ARHGEF7: variants seen among roughly 807,000 people sequenced by gnomAD.
The protein encoded by ARHGEF7 is PAK-interacting exchange factor beta.
A neutral mutation model predicts 109.8 loss-of-function variants in ARHGEF7; 33 were observed. The ratio of observed to expected loss-of-function variants is 0.30; its 90% CI spans 0.23 to 0.40. ARHGEF7 has a LOEUF of 0.40. Among genes scored for constraint, ARHGEF7 ranks in the 10% least tolerant of loss-of-function variants. ARHGEF7 has a pLI of 1.00. For synonymous variants in ARHGEF7, 458 were observed against 424.6 expected, an observed-to-expected ratio of 1.08 and a Z score of -0.97; for missense variants, 938 against 1,098.5, an observed-to-expected ratio of 0.85 and a Z score of 2.07.
At position 111,300,840 on chromosome 13, in the gene ARHGEF7, G is replaced by A. The variant is rs376207567; in HGVS notation, c.2404G>A (p.Glu802Lys). Reference protein sequence around the residue: ...ETKSNGQTVIEEKSLVDTVYA... With the variant: ...ETKSNGQTVIKEKSLVDTVYA... ...TAAAAGTAATGGTCAGACAGTGATAGAAGAAAAGTAAGATGTCTTCCGGTA... is the reference window on the plus strand; with the variant it reads ...TAAAAGTAATGGTCAGACAGTGATAAAAGAAAAGTAAGATGTCTTCCGGTA... Residue 802 changes from glutamate (E) to lysine (K), a missense_variant, in exon 20 of 22, where the codon GAA becomes AAA. Physicochemically the swap from Glu to Lys is moderately conservative, Grantham distance 56 (BLOSUM62 1). Coordinates refer to ENST00000646102, the MANE Select transcript of ARHGEF7 (RefSeq NM_001354046.2). 1.3e-6 allele frequency: 2 copies of A among 1,593,670 alleles called. No homozygotes were observed. Among genetic ancestry groups the A allele is most frequent in the Non-Finnish European group, 1.7e-6 (2 of 1,165,098 alleles).
chr13:111,124,214 C>T lies in ARHGEF7; in HGVS notation c.165+8523C>T, dbSNP rs146921122. 2.4e-4 allele frequency among the ~76,000 whole-genome samples: 36 copies of T among 152,208 alleles called. 1 individual carries two copies. Among genetic ancestry groups the T allele is most frequent in the Admixed American group, 1.4e-3 (21 of 15,296 alleles). On this transcript the variant is annotated intron_variant, in intron 1 of 21. Coordinates refer to ENST00000646102, the MANE Select transcript of ARHGEF7 (RefSeq NM_001354046.2). ...TCACTGTCTCTGTTTCCTCTGAGTC[C>T]TCTTATGCAATTCTTTTTTTCCATG...
intron 2 of ARHGEF7, among the ~76,000 whole-genome samples, chr13:111,198,719 A>G (rs1446433272): frequency 6.6e-6 from 1 of 152,126 alleles, no homozygotes; most frequent in Non-Finnish European, 1.5e-5. Flanking sequence ...TATTGTGAAG[A>G]GCAAAAGAAC....
At chr13:111,154,040 T>C (rs1440970559) in intron 2 of ARHGEF7, 49 bp downstream of exon 2, 1 of 1,548,086 alleles carries the variant, frequency 6.5e-7, no homozygotes, top group Non-Finnish European at 8.7e-7. Context: ...AAGACGGGGT[T>C]GGGCCCGGGG....
At chr13:111,199,762 G>A (rs1171016452) in intron 2 of ARHGEF7, among the ~76,000 whole-genome samples, 1 of 152,228 alleles carries the variant, frequency 6.6e-6, no homozygotes, top group Non-Finnish European at 1.5e-5. Context: ...ACTGGTTCCA[G>A]CATCTTTGGC....
Position 111,258,928 on chromosome 13 carries a change from G to A in ARHGEF7, c.951-8620G>A, listed in dbSNP as rs1417438021. ...GTCCTTGGGCCTTGAAGGAACATTAGCAATAAACAGGCAGTACTTGCTGCA... is the reference window on the plus strand; with the variant it reads ...GTCCTTGGGCCTTGAAGGAACATTAACAATAAACAGGCAGTACTTGCTGCA... On this transcript the variant is annotated intron_variant, in intron 8 of 21. Transcript: ENST00000646102. This position sits in a 1 kb window ranked among gnomAD's most constrained non-coding sequence, Gnocchi z 4.4. Among the ~76,000 whole-genome samples the A allele has an allele frequency of 6.6e-6, 1 of 152,094 alleles. No homozygotes were observed. Among genetic ancestry groups the A allele is most frequent in the Non-Finnish European group, 1.5e-5 (1 of 68,026 alleles).
intron 8 of ARHGEF7, among the ~76,000 whole-genome samples, chr13:111,245,768 A>G (rs1428505580): frequency 6.6e-6 from 1 of 152,246 alleles, no homozygotes. Context: ...TTGAACTCGA[A>G]TAAGAAAATT....
At chr13:111,263,056 T>G (rs2091273125) in intron 8 of ARHGEF7, among the ~76,000 whole-genome samples, 1 of 152,192 alleles carries the variant, frequency 6.6e-6, no homozygotes, top group Admixed American at 6.5e-5. Flanking sequence ...ATCCCCTCCT[T>G]TAATTCTGAA....
In ARHGEF7 at chr13:111,228,972, C is replaced by T. The variant is rs535852232; in HGVS notation, c.671-4233C>T. Among the ~76,000 whole-genome samples, 2 of 151,850 alleles carry T rather than the reference C, an allele frequency of 1.3e-5. No homozygotes were observed. The highest frequency in any genetic ancestry group is 1.5e-5 in the Non-Finnish European group (1 of 67,986). Reference sequence around the variant, plus strand: ...AGCGGCTGGGTGGCTTCCAGTCAAGCGGAAGAGGCAAGTGAGGACTCACAG... The same window carrying T: ...AGCGGCTGGGTGGCTTCCAGTCAAGTGGAAGAGGCAAGTGAGGACTCACAG... On this transcript the variant is annotated intron_variant, in intron 5 of 21. Transcript: ENST00000646102. The surrounding 1 kb of genome is among the most constrained non-coding windows in gnomAD (Gnocchi z 4.6).
At chr13:111,223,932 C>T (rs2084821562) in intron 5 of ARHGEF7, among the ~76,000 whole-genome samples, 3 of 150,980 alleles carry the variant, frequency 2.0e-5, no homozygotes, top group African/African-American at 7.3e-5. Flanking sequence ...TCTCAGCTCA[C>T]TGCAACCTCC....
intron 2 of ARHGEF7, among the ~76,000 whole-genome samples, chr13:111,191,027 A>C (rs145874963): frequency 6.6e-5 from 10 of 152,224 alleles, no homozygotes; most frequent in Admixed American, 2.6e-4. Context: ...AGAGAGAGTG[A>C]TTGAAAGAGG....
chr13:111,202,732 C>T (rs1301757507), intron 2 of ARHGEF7, among the ~76,000 whole-genome samples: 1 of 152,234 alleles, frequency 6.6e-6, no homozygotes, highest in Non-Finnish European at 1.5e-5. Flanking sequence ...CTATTATTCC[C>T]ATAGTACAAA....
Position 111,283,230 on chromosome 13 carries a change from C to T in ARHGEF7, c.1817C>T (p.Ser606Phe). The part of the protein sequence containing the change: ...TPAYHTLPHP[S>F]HHGTPHTTIN... ...GCCTACCACACGCTGCCCCACCCCT[C>T]CCACCACGGCACCCCGCACACCACC... Residue 606 changes from serine (S) to phenylalanine (F), a missense_variant, in exon 16 of 22, where the codon TCC becomes TTC. Transcript: ENST00000646102. The T allele has an allele frequency of 1.3e-6, 2 of 1,591,510 alleles. No individual in the cohort carries two copies. Among genetic ancestry groups the T allele is most frequent in the South Asian group, 2.3e-5 (2 of 87,952 alleles).
intron 5 of ARHGEF7, among the ~76,000 whole-genome samples, chr13:111,230,621 C>T (rs943310723): frequency 6.6e-6 from 1 of 152,140 alleles, no homozygotes; most frequent in African/African-American, 2.4e-5. Flanking sequence ...GGCTTCCTGT[C>T]TCCCCTGCAG....
chr13:111,171,584 C>T (rs905321548), intron 2 of ARHGEF7, among the ~76,000 whole-genome samples: 1 of 152,182 alleles, frequency 6.6e-6, no homozygotes, highest in Admixed American at 6.5e-5. Flanking sequence ...GTTCAATTTG[C>T]ATGAGCAATT....
Position 111,255,818 on chromosome 13 carries a change from T to TG in ARHGEF7, c.950+11528dup, listed in dbSNP as rs1312568822. Among the ~76,000 whole-genome samples the TG allele has an allele frequency of 6.6e-6, 1 of 152,080 alleles. No individual in the cohort carries two copies. Among genetic ancestry groups the TG allele is most frequent in the Non-Finnish European group, 1.5e-5 (1 of 68,012 alleles). Reference sequence around the variant, plus strand: ...TGGGGGATATTTTTCCTGTGGAAGGTGGGGTCATGGTGCTTTCTTTTCAGT... The same window carrying TG: ...TGGGGGATATTTTTCCTGTGGAAGGTGGGGGTCATGGTGCTTTCTTTTCAGT... On this transcript the variant is annotated intron_variant, in intron 8 of 21. Transcript: ENST00000646102. The surrounding 1 kb of genome is among the most constrained non-coding windows in gnomAD (Gnocchi z 4.1).
At chr13:111,213,347 A>C (rs2082727210) in intron 4 of ARHGEF7, among the ~76,000 whole-genome samples, 1 of 152,158 alleles carries the variant, frequency 6.6e-6, no homozygotes, top group Non-Finnish European at 1.5e-5. Context: ...CCAGTTACTA[A>C]ATTTTATTGA....
At position 111,147,736 on chromosome 13, in the gene ARHGEF7, C is replaced by T. The variant is rs893700463; in HGVS notation, c.166-6169C>T. Among the ~76,000 whole-genome samples, 9 of 125,502 alleles carry T rather than the reference C, an allele frequency of 7.2e-5. No homozygotes were observed. In the South Asian group the frequency reaches 1.1e-3, roughly 15 times the overall value. The allele number at this position is 125,502 out of a possible 152,430, so 82.3% of individuals were successfully genotyped here. A position where few individuals can be genotyped will look rare whatever the true frequency, so the allele number is the denominator to read the frequency against. On this transcript the variant is annotated intron_variant, in intron 1 of 21. Coordinates refer to ENST00000646102, the MANE Select transcript of ARHGEF7 (RefSeq NM_001354046.2). ...TTTTTGAGACGGAGTCTCGCTCTGT[C>T]GCCCAGGCTGGAGTGCAGTGGCGGG...
intron 2 of ARHGEF7, among the ~76,000 whole-genome samples, chr13:111,200,790 G>A (rs541238349): frequency 1.7e-4 from 26 of 152,108 alleles, no homozygotes; most frequent in Non-Finnish European, 3.2e-4. Context: ...TATCCAAAAC[G>A]GTCCAGTGCA....
chr13:111,197,204 C>A (rs1170657260), intron 2 of ARHGEF7, among the ~76,000 whole-genome samples: 1 of 151,668 alleles, frequency 6.6e-6, no homozygotes, highest in Non-Finnish European at 1.5e-5. Flanking sequence ...CTGGACCCTG[C>A]TGATGGGAAT....
Sources: gnomAD v4.1 joint callset for allele counts (sites outside exome capture counted in the v4.1 genomes callset) on GRCh38, gnomAD v4.1.1 for gene constraint, Gnocchi (gnomAD v3.1) non-coding constraint, MANE v1.5 for transcripts, NCBI Gene and HGNC (gene_info 2026-07-23, HGNC 2026-07-21) for gene names.